The following KIF6 variants were observed in gnomAD, a reference collection of about 807,000 sequenced individuals.
KIF6 encodes the protein kinesin family member 6, also known as kinesin-like protein KIF6.
A neutral mutation model predicts 112.7 loss-of-function variants in KIF6; 106 were observed. That is an observed-to-expected ratio of 0.94 (90% confidence interval 0.80 to 1.11). KIF6 has a LOEUF of 1.11. KIF6 is among the 50% of genes least tolerant of loss of function. The pLI is 0.00. For missense variants in KIF6, 929 were observed against 964.0 expected (o/e 0.96, Z 0.48); for synonymous variants, 339 against 339.9 (o/e 1.00, Z 0.03).
At chr6:39,681,484 A>C (rs1054244118) in intron 3 of KIF6, among the ~76,000 whole-genome samples, 4 of 152,070 alleles carry the variant, frequency 2.6e-5, no homozygotes, top group Admixed American at 6.6e-5. Context: ...TTAAAAAAAA[A>C]CTCTAGAATC....
At chr6:39,345,522 G>C (rs1763631076) in intron 21 of KIF6, among the ~76,000 whole-genome samples, 178 bp downstream of exon 21, 1 of 152,202 alleles carries the variant, frequency 6.6e-6, no homozygotes, top group African/African-American at 2.4e-5. Flanking sequence ...TCCCCGCTTT[G>C]AGTTGGCCTG....
intron 13 of KIF6, among the ~76,000 whole-genome samples, chr6:39,539,532 A>G (rs1489078941): frequency 1.3e-5 from 2 of 152,052 alleles, no homozygotes; most frequent in African/African-American, 2.4e-5. Flanking sequence ...TTTAGTAGAG[A>G]TAGGGTTTCA....
intron 4 of KIF6, among the ~76,000 whole-genome samples, chr6:39,639,094 A>G (rs984950676): frequency 6.6e-6 from 1 of 152,114 alleles, no homozygotes; most frequent in South Asian, 2.1e-4. Flanking sequence ...TGATAAAGCT[A>G]CTGGCATTTT....
intron 3 of KIF6, among the ~76,000 whole-genome samples, chr6:39,678,284 C>T (rs9369131): frequency 0.28 from 43,004 of 151,462 alleles, 6,592 homozygotes; most frequent in Admixed American, 0.39. Flanking sequence ...CCATTTGACC[C>T]AGCCATCCCA....
Position 39,455,356 on chromosome 6 carries a change from G to A in KIF6, c.1646-24195C>T, listed in dbSNP as rs1411767594. ...AACAAACAGGAAGGACATCCACACC[G>A]AAAACCCATCTGTACATCACCATCA... On this transcript the variant is annotated intron_variant, in intron 13 of 22. Coordinates refer to ENST00000287152, the MANE Select transcript of KIF6 (RefSeq NM_145027.6). Among the ~76,000 whole-genome samples the A allele has an allele frequency of 1.3e-4, 19 of 151,752 alleles. No homozygotes were observed. The Middle Eastern group carries it at 0.014, about 109-fold the overall frequency.
At chr6:39,355,402 A>C (rs913249921) in intron 19 of KIF6, among the ~76,000 whole-genome samples, 1 of 151,872 alleles carries the variant, frequency 6.6e-6, no homozygotes, top group Admixed American at 6.6e-5. Context: ...GTCCAAGGAA[A>C]ATCTCAACCT....
intron 3 of KIF6, among the ~76,000 whole-genome samples, chr6:39,667,089 C>T (rs762765633): frequency 3.3e-5 from 5 of 152,122 alleles, no homozygotes; most frequent in Non-Finnish European, 1.5e-5. Flanking sequence ...CTCAGCTTCC[C>T]GATACCAAAT....
intron 16 of KIF6, among the ~76,000 whole-genome samples, chr6:39,375,949 A>T (rs1243372168): frequency 6.6e-6 from 1 of 152,170 alleles, no homozygotes; most frequent in Non-Finnish European, 1.5e-5. Context: ...GGAGCCTTAA[A>T]CCACTCAATG....
chr6:39,368,233 T>C (rs540842739), intron 16 of KIF6, among the ~76,000 whole-genome samples: 50 of 152,344 alleles, frequency 3.3e-4, no homozygotes, highest in South Asian at 6.2e-4. Flanking sequence ...TTGTAGGTGC[T>C]TGATAAAATC....
intron 20 of KIF6, among the ~76,000 whole-genome samples, chr6:39,346,027 G>A (rs997673914): frequency 7.4e-6 from 1 of 134,970 alleles, no homozygotes; most frequent in Non-Finnish European, 1.6e-5. Flanking sequence ...ATAGGTATAA[G>A]AGGAGGATGA....
At chr6:39,536,279 G>T (rs1329648771) in intron 13 of KIF6, among the ~76,000 whole-genome samples, 11 of 151,126 alleles carry the variant, frequency 7.3e-5, no homozygotes, top group African/African-American at 2.7e-4. Context: ...TCCAGGAGCT[G>T]GTTTTTTTAA....
intron 7 of KIF6, among the ~76,000 whole-genome samples, chr6:39,593,937 T>A (rs1458187891): frequency 6.6e-6 from 1 of 152,240 alleles, no homozygotes; most frequent in East Asian, 1.9e-4. Context: ...CATCTTTAAT[T>A]CATGTCTCCC....
intron 13 of KIF6, among the ~76,000 whole-genome samples, chr6:39,435,492 A>G (rs1454717300): frequency 6.6e-6 from 1 of 152,184 alleles, no homozygotes; most frequent in Non-Finnish European, 1.5e-5. Flanking sequence ...AATAGTGTAC[A>G]TTGTACCCAA....
chr6:39,434,299 C>T (rs1771366079), intron 13 of KIF6, among the ~76,000 whole-genome samples: 1 of 151,950 alleles, frequency 6.6e-6, no homozygotes, highest in African/African-American at 2.4e-5. Flanking sequence ...CGCAATGGCT[C>T]ACGACTGTAA....
At chr6:39,364,971 A>T (rs1350906175) in intron 16 of KIF6, among the ~76,000 whole-genome samples, 4 of 152,214 alleles carry the variant, frequency 2.6e-5, no homozygotes, top group Non-Finnish European at 5.9e-5. Context: ...TGCATTTTTT[A>T]AAAATAAGTG....
intron 19 of KIF6, chr6:39,353,764 C>A: frequency 3.7e-6 from 1 of 268,562 alleles, no homozygotes; most frequent in Non-Finnish European, 7.4e-6. Flanking sequence ...TGCTGTAGCC[C>A]TGGGCAGATG....
chr6:39,520,131 C>T (rs966888011), intron 13 of KIF6, among the ~76,000 whole-genome samples: 5 of 152,118 alleles, frequency 3.3e-5, no homozygotes, highest in Non-Finnish European at 7.3e-5. Flanking sequence ...GGAGCAGTTT[C>T]TTATATACTA....
chr6:39,509,600 C>A (rs1776644395), intron 13 of KIF6, among the ~76,000 whole-genome samples: 1 of 152,038 alleles, frequency 6.6e-6, no homozygotes, highest in Admixed American at 6.5e-5. Flanking sequence ...GCTTCAATAG[C>A]TGATTCGATC....
At chr6:39,431,199 A>T (rs774076556) in intron 13 of KIF6, 38 bp from the exon 14 acceptor site, 4 of 1,174,756 alleles carry the variant, frequency 3.4e-6, no homozygotes, top group Non-Finnish European at 5.1e-6. Flanking sequence ...CAGTCACAGC[A>T]TCAGGATCCT....
Sources: allele counts gnomAD v4.1 joint callset (sites outside exome capture counted in the v4.1 genomes callset), GRCh38; gene constraint gnomAD v4.1.1; transcripts MANE v1.5; gene names NCBI Gene and HGNC (gene_info 2026-07-23, HGNC 2026-07-21).